The following TBC1D1 variants were observed in gnomAD, a reference collection of about 807,000 sequenced individuals.
TBC1D1 encodes TBC1 (tre-2/USP6, BUB2, cdc16) domain family, member 1.
TBC1D1 carries 89 observed loss-of-function variants against 125.6 expected under a neutral mutation model. The ratio of observed to expected loss-of-function variants is 0.71; its 90% CI spans 0.60 to 0.85. The LOEUF is 0.85. TBC1D1 is among the 40% of genes least tolerant of loss of function. TBC1D1 has a pLI of 0.00. For synonymous variants in TBC1D1, 565 were observed against 564.1 expected (o/e 1.00, Z -0.02); for missense variants, 1,377 against 1,469.2 (o/e 0.94, Z 1.03).
chr4:38,052,126 T>A lies in TBC1D1; in HGVS notation c.1911-2073T>A, dbSNP rs1469790126. 7 of 1,493,240 alleles carry A rather than the reference T, an allele frequency of 4.7e-6. No homozygotes were observed. In the Admixed American group the frequency reaches 6.0e-5, roughly 13 times the overall value. 92.5% of individuals were successfully genotyped at this position (1,493,240 alleles called of 1,614,324 possible). On this transcript the variant is annotated intron_variant, in intron 11 of 19. Transcript: ENST00000261439. ...CCTGGGGAGTTCACACTGATGAGGA[T>A]GTGCTGAATGGGGGGAATGTCCATG...
At chr4:37,958,905 C>T (rs1256337407) in intron 2 of TBC1D1, among the ~76,000 whole-genome samples, 2 of 152,188 alleles carry the variant, frequency 1.3e-5, no homozygotes, top group Non-Finnish European at 2.9e-5. Flanking sequence ...CACCAGTCTC[C>T]CCGTTCCCCA....
chr4:38,068,501 A>G (rs574345640), intron 12 of TBC1D1, among the ~76,000 whole-genome samples: 3 of 152,160 alleles, frequency 2.0e-5, no homozygotes, highest in East Asian at 3.9e-4. Flanking sequence ...TTTACCCCTC[A>G]GGCGTAGTCA....
chr4:38,059,132 A>T (rs1204949148), intron 12 of TBC1D1, among the ~76,000 whole-genome samples: 3 of 152,240 alleles, frequency 2.0e-5, no homozygotes, highest in Admixed American at 2.0e-4. Flanking sequence ...TGAGGTAGGT[A>T]GGAAGTTAAT....
intron 17 of TBC1D1, among the ~76,000 whole-genome samples, chr4:38,121,758 G>A (rs1763895335): frequency 1.3e-5 from 2 of 152,132 alleles, no homozygotes. Flanking sequence ...TAAGATACCG[G>A]AAGACAGGCA....
At chr4:38,094,161 C>T (rs1360450304) in intron 13 of TBC1D1, among the ~76,000 whole-genome samples, 1 of 152,032 alleles carries the variant, frequency 6.6e-6, no homozygotes, top group Non-Finnish European at 1.5e-5. Flanking sequence ...GCTTTCCATT[C>T]TGAGCTTTCA....
chr4:38,060,393 T>C (rs1441877571), intron 12 of TBC1D1, among the ~76,000 whole-genome samples: 1 of 152,240 alleles, frequency 6.6e-6, no homozygotes. Flanking sequence ...ATCTGTTGTT[T>C]CTTGACTTTT....
chr4:37,920,507 A>G (rs1720726773), intron 2 of TBC1D1, among the ~76,000 whole-genome samples: 1 of 152,180 alleles, frequency 6.6e-6, no homozygotes, highest in Admixed American at 6.5e-5. Flanking sequence ...TGAGATGGGA[A>G]ATAGGAAGTA....
At chr4:38,127,381 C>CTTTT (rs35658047) in intron 18 of TBC1D1, among the ~76,000 whole-genome samples, 20 of 124,402 alleles carry the variant, frequency 1.6e-4, no homozygotes, top group African/African-American at 4.5e-4. Context: ...TTTCCACTGA[C>CTTTT]TTTTTTTTTT....
At chr4:37,975,213 G>A (rs1480423874) in intron 2 of TBC1D1, among the ~76,000 whole-genome samples, 1 of 152,224 alleles carries the variant, frequency 6.6e-6, no homozygotes, top group Non-Finnish European at 1.5e-5. Flanking sequence ...TGGACAGGGG[G>A]CCCTTCCCTG....
chr4:38,076,982 G>T (rs952255693), intron 12 of TBC1D1, among the ~76,000 whole-genome samples: 2 of 152,038 alleles, frequency 1.3e-5, no homozygotes, highest in Non-Finnish European at 2.9e-5. Context: ...ATACCTTCCT[G>T]TTTCCTGGCT....
intron 2 of TBC1D1, among the ~76,000 whole-genome samples, chr4:37,997,423 T>C (rs1372084247): frequency 6.6e-6 from 1 of 152,256 alleles, no homozygotes; most frequent in African/African-American, 2.4e-5. Context: ...TAGAACTGTA[T>C]GCCGTTTCAC....
intron 2 of TBC1D1, among the ~76,000 whole-genome samples, chr4:38,005,219 A>G (rs928884586): frequency 6.6e-6 from 1 of 152,188 alleles, no homozygotes; most frequent in African/African-American, 2.4e-5. Context: ...TGTGTGCTTT[A>G]TTTTCCTCCT....
intron 2 of TBC1D1, among the ~76,000 whole-genome samples, chr4:37,999,664 T>C (rs906401532): frequency 6.6e-6 from 1 of 152,040 alleles, no homozygotes; most frequent in Non-Finnish European, 1.5e-5. Flanking sequence ...CTGCAGACAC[T>C]AGTGGAGGAG....
intron 18 of TBC1D1, among the ~76,000 whole-genome samples, chr4:38,125,947 C>T (rs957930239): frequency 4.6e-5 from 7 of 152,172 alleles, no homozygotes; most frequent in African/African-American, 1.7e-4. Flanking sequence ...AGCAGTCAAG[C>T]CTCTCATAAG....
At chr4:38,044,624 G>T in intron 9 of TBC1D1, 134 bp downstream of exon 9, 3 of 898,760 alleles carry the variant, frequency 3.3e-6, no homozygotes, top group East Asian at 2.9e-5. Context: ...GTTTTCTCAG[G>T]CTTATAACAG....
intron 19 of TBC1D1, among the ~76,000 whole-genome samples, chr4:38,134,730 C>T (rs1473098216): frequency 6.6e-6 from 1 of 152,222 alleles, no homozygotes; most frequent in East Asian, 1.9e-4. Context: ...TTTCATGCTG[C>T]TCCTGTGCTA....
At chr4:37,904,135 G>T (rs1018221610) in intron 2 of TBC1D1, among the ~76,000 whole-genome samples, 2 of 152,156 alleles carry the variant, frequency 1.3e-5, no homozygotes, top group Non-Finnish European at 2.9e-5. Flanking sequence ...CAATAGAGTT[G>T]CTGGAAAGAC....
At chr4:37,974,594 G>GT (rs1312245014) in intron 2 of TBC1D1, among the ~76,000 whole-genome samples, 1 of 151,208 alleles carries the variant, frequency 6.6e-6, no homozygotes, top group Non-Finnish European at 1.5e-5. Context: ...GTCTCACTCT[G>GT]TCCCCCAGGC....
chr4:38,097,784 T>A (rs949155434), intron 14 of TBC1D1, among the ~76,000 whole-genome samples: 1 of 152,234 alleles, frequency 6.6e-6, no homozygotes, highest in East Asian at 1.9e-4. Context: ...GGCCTGCATA[T>A]GCATTTTTCA....
Sources: gnomAD v4.1 joint callset for allele counts (sites outside exome capture counted in the v4.1 genomes callset) on GRCh38, gnomAD v4.1.1 for gene constraint, MANE v1.5 for transcripts, NCBI Gene and HGNC (gene_info 2026-07-23, HGNC 2026-07-21) for gene names.